TBC1D22A: variants seen among roughly 807,000 people sequenced by gnomAD.
TBC1D22A encodes TBC1 domain family member 22A, also known as putative GTPase activator.
In TBC1D22A, 38 loss-of-function variants were observed where a neutral mutation model predicts 60.2. The ratio of observed to expected loss-of-function variants is 0.63; its 90% CI spans 0.49 to 0.83. TBC1D22A has a LOEUF of 0.83. TBC1D22A is among the 40% of genes least tolerant of loss of function. TBC1D22A has a pLI of 0.00. For synonymous variants in TBC1D22A, 302 were observed against 281.7 expected (o/e 1.07, Z -0.72); for missense variants, 628 against 701.0 (o/e 0.90, Z 1.18).
At chr22:46,861,203 C>G (rs1030166085) in intron 4 of TBC1D22A, among the ~76,000 whole-genome samples, 3 of 152,102 alleles carry the variant, frequency 2.0e-5, no homozygotes, top group Non-Finnish European at 4.4e-5. Context: ...AGTGATCCAC[C>G]GTGCCTCGGC....
At chr22:46,917,532 A>T (rs576885351) in intron 8 of TBC1D22A, among the ~76,000 whole-genome samples, 34 of 152,294 alleles carry the variant, frequency 2.2e-4, no homozygotes, top group Non-Finnish European at 3.4e-4. Flanking sequence ...GGTGCCGTTT[A>T]CCAGGATGAG....
intron 12 of TBC1D22A, among the ~76,000 whole-genome samples, chr22:47,172,154 GGT>G (rs2068508872): frequency 6.6e-6 from 1 of 151,046 alleles, no homozygotes; most frequent in African/African-American, 2.4e-5. Context: ...GTGCCCGCCC[GGT>G]GTTCCCACCC....
chr22:47,037,346 C>T, intron 11 of TBC1D22A, 148 bp downstream of exon 11: 1 of 1,213,900 alleles, frequency 8.2e-7, no homozygotes, highest in Non-Finnish European at 1.1e-6. Context: ...AAGTATACTC[C>T]TGGCCGGGCG....
At chr22:47,118,281 T>C (rs2066142438) in intron 12 of TBC1D22A, among the ~76,000 whole-genome samples, 2 of 152,298 alleles carry the variant, frequency 1.3e-5, no homozygotes, top group South Asian at 4.1e-4. Flanking sequence ...ACCTAGGCCA[T>C]AAACATTTCC....
chr22:47,054,173 G>A (rs190602480), intron 11 of TBC1D22A, among the ~76,000 whole-genome samples: 46 of 152,320 alleles, frequency 3.0e-4, no homozygotes, highest in African/African-American at 9.9e-4. Context: ...GAGGAGGAAG[G>A]ACGTGCAGGG....
intron 4 of TBC1D22A, among the ~76,000 whole-genome samples, chr22:46,874,558 A>G (rs940724175): frequency 6.3e-5 from 5 of 79,516 alleles, no homozygotes; most frequent in African/African-American, 2.5e-4. Flanking sequence ...GGCTACAGGT[A>G]TGTCTTTTTT....
intron 10 of TBC1D22A, among the ~76,000 whole-genome samples, chr22:47,003,504 A>ACCCTACGCACACATGCCTGTACACACG (rs2061466644): frequency 7.2e-6 from 1 of 139,328 alleles, no homozygotes; most frequent in Non-Finnish European, 1.5e-5. Flanking sequence ...CTGTACACAC[A>ACCCTACGCACACATGCCTGTACACACG]CACCCGCCAG....
rs1288907337 is a variant in TBC1D22A, at chr22:46,908,379, AG to A, written c.901-3694del. 2.0e-5 allele frequency among the ~76,000 whole-genome samples: 3 copies of A among 152,230 alleles called. No homozygotes were observed. The East Asian group carries it at 5.8e-4, about 29-fold the overall frequency. On this transcript the variant is annotated intron_variant, in intron 7 of 12. Coordinates refer to ENST00000337137, the MANE Select transcript of TBC1D22A (RefSeq NM_014346.5). Reference sequence around the variant, plus strand: ...CCTAAAAGCCTGTGCCTTTAGCGGCAGAGCCAGGCTTTGTGTGCAGTGTCAC... The same window carrying A: ...CCTAAAAGCCTGTGCCTTTAGCGGCAAGCCAGGCTTTGTGTGCAGTGTCAC...
At chr22:47,048,176 GC>G (rs1699838779) in intron 11 of TBC1D22A, among the ~76,000 whole-genome samples, 1 of 152,202 alleles carries the variant, frequency 6.6e-6, no homozygotes, top group African/African-American at 2.4e-5. Context: ...CCCAGGCTGG[GC>G]CCTGCTGCTG....
rs1412544952 is a variant in TBC1D22A at position 46,777,092 on chromosome 22, G to A, written c.62+14244G>A. ...AGGTTTCCAAGGTGACCTAGAGGAT[G>A]TGGAGACGTGGGTGGGTGGTGTGCT... is the stretch of plus-strand genomic sequence containing the variant. On this transcript the variant is annotated intron_variant, in intron 1 of 12. Coordinates refer to ENST00000337137, the MANE Select transcript of TBC1D22A (RefSeq NM_014346.5). The surrounding 1 kb of genome is among the most constrained non-coding windows in gnomAD (Gnocchi z 4.5). Among the ~76,000 whole-genome samples the A allele has an allele frequency of 2.0e-5, 3 of 152,154 alleles. No homozygotes were observed. The highest frequency in any genetic ancestry group is 1.5e-5 in the Non-Finnish European group (1 of 68,020).
At chr22:46,789,190 A>G (rs753134710) in intron 1 of TBC1D22A, 7 of 166,918 alleles carry the variant, frequency 4.2e-5, no homozygotes, top group Non-Finnish European at 7.9e-5. Context: ...CAGTGGCGCA[A>G]TCTCGGCTCA....
chr22:46,951,944 T>C (rs1241330296), intron 8 of TBC1D22A, among the ~76,000 whole-genome samples: 1 of 152,212 alleles, frequency 6.6e-6, no homozygotes, highest in Non-Finnish European at 1.5e-5. Context: ...CCCATTTAGC[T>C]TATTGGAGTT....
chr22:46,766,321 G>A (rs2146666548), intron 1 of TBC1D22A, among the ~76,000 whole-genome samples: 1 of 151,528 alleles, frequency 6.6e-6, no homozygotes, highest in Non-Finnish European at 1.5e-5. Context: ...AGTAGAGATG[G>A]GGTTTCACCA....
At chr22:47,153,634 C>T (rs1294029419) in intron 12 of TBC1D22A, among the ~76,000 whole-genome samples, 2 of 152,042 alleles carry the variant, frequency 1.3e-5, no homozygotes, top group African/African-American at 4.8e-5. Flanking sequence ...AGAGATACCA[C>T]CCAGGAGTGA....
At chr22:46,870,966 A>G (rs909838263) in intron 4 of TBC1D22A, among the ~76,000 whole-genome samples, 5 of 152,188 alleles carry the variant, frequency 3.3e-5, no homozygotes, top group African/African-American at 1.2e-4. Context: ...TCAAACCATA[A>G]CAAAAGCCAG....
At chr22:46,807,686 A>C (rs920109082) in intron 4 of TBC1D22A, among the ~76,000 whole-genome samples, 1 of 152,196 alleles carries the variant, frequency 6.6e-6, no homozygotes, top group Non-Finnish European at 1.5e-5. Context: ...GAGGCTTAGA[A>C]ATGGAGGAGG....
chr22:47,102,800 C>T (rs938700525), intron 11 of TBC1D22A, among the ~76,000 whole-genome samples: 2 of 152,078 alleles, frequency 1.3e-5, no homozygotes, highest in African/African-American at 2.4e-5. Flanking sequence ...TTTGCACTCC[C>T]TGGTTAAATA....
intron 8 of TBC1D22A, chr22:46,915,652 CGGGGTGT>C (rs2070312513): frequency 2.2e-6 from 1 of 456,464 alleles, no homozygotes; most frequent in Non-Finnish European, 4.4e-6. Context: ...AAGAAATCCC[CGGGGTGT>C]GGGATTTCTC....
intron 12 of TBC1D22A, among the ~76,000 whole-genome samples, chr22:47,131,732 C>T (rs2066685517): frequency 6.6e-6 from 1 of 152,222 alleles, no homozygotes; most frequent in Admixed American, 6.5e-5. Flanking sequence ...CCCTTCTCAG[C>T]AGAAGGGAGC....
Sources: gnomAD v4.1 joint callset for allele counts (sites outside exome capture counted in the v4.1 genomes callset) on GRCh38, gnomAD v4.1.1 for gene constraint, Gnocchi (gnomAD v3.1) non-coding constraint, MANE v1.5 for transcripts, NCBI Gene and HGNC (gene_info 2026-07-23, HGNC 2026-07-21) for gene names.